The following RNF144A variants were observed in gnomAD, a reference collection of about 807,000 sequenced individuals.
RNF144A encodes ring finger protein 144A.
In RNF144A, 11 loss-of-function variants were observed where a neutral mutation model predicts 38.7. The ratio of observed to expected loss-of-function variants is 0.28; its 90% CI spans 0.18 to 0.47. The LOEUF (loss-of-function observed/expected upper bound fraction) is 0.47. Among genes scored for constraint, RNF144A ranks in the 20% least tolerant of loss-of-function variants. The pLI is 0.99. For synonymous variants in RNF144A, 149 were observed against 143.9 expected (o/e 1.04, Z -0.25); for missense variants, 316 against 377.2 (o/e 0.84, Z 1.34).
intron 2 of RNF144A, among the ~76,000 whole-genome samples, chr2:6,976,574 T>A (rs2103355017): frequency 6.7e-6 from 1 of 149,128 alleles, no homozygotes; most frequent in Non-Finnish European, 1.5e-5. Context: ...TATATGAATT[T>A]CATATATATA....
intron 2 of RNF144A, among the ~76,000 whole-genome samples, chr2:6,977,098 T>C (rs13021790): frequency 6.6e-6 from 1 of 152,264 alleles, no homozygotes; most frequent in Non-Finnish European, 1.5e-5. Context: ...TCAAAAGTGT[T>C]AGTTCATTGT....
intron 7 of RNF144A, among the ~76,000 whole-genome samples, chr2:7,027,599 G>A (rs1671993934): frequency 6.6e-6 from 1 of 152,248 alleles, no homozygotes; most frequent in Admixed American, 6.5e-5. Context: ...ACATTTTAAA[G>A]CTGAAGGTGC....
intron 3 of RNF144A, among the ~76,000 whole-genome samples, chr2:7,004,222 T>C (rs1670293875): frequency 6.6e-6 from 1 of 152,228 alleles, no homozygotes; most frequent in South Asian, 2.1e-4. Flanking sequence ...TTTGCTTTCA[T>C]CTCCATCCAG....
chr2:6,969,259 G>T (rs1205812220), intron 2 of RNF144A, among the ~76,000 whole-genome samples: 3 of 152,162 alleles, frequency 2.0e-5, no homozygotes, highest in African/African-American at 7.2e-5. Flanking sequence ...GACCTTATTT[G>T]GAGGGAGGGC....
Position 7,039,692 on chromosome 2 carries a change from G to A in RNF144A, c.811G>A (p.Ala271Thr), listed in dbSNP as rs1384516484. Reference protein sequence around the residue: ...LLVASPFLLLATPFVLCCKCK... With the variant: ...LLVASPFLLLTTPFVLCCKCK... ...GGTGGCCTCACCTTTCCTACTCCTGGCCACTCCCTTTGTACTTTGCTGCAA... is the reference window on the plus strand; with the variant it reads ...GGTGGCCTCACCTTTCCTACTCCTGACCACTCCCTTTGTACTTTGCTGCAA... The change falls in exon 9 of 9, where the codon GCC becomes ACC. Residue 271 changes from alanine to threonine, a missense_variant. Coordinates refer to ENST00000320892, the MANE Select transcript of RNF144A (RefSeq NM_014746.6). The A allele has an allele frequency of 3.1e-6, 5 of 1,613,872 alleles. No homozygotes were observed. The Admixed American group carries it at 8.3e-5, about 27-fold the overall frequency.
chr2:7,045,578 A>G (rs914271644), downstream of RNF144A, among the ~76,000 whole-genome samples: 13 of 152,148 alleles, frequency 8.5e-5, no homozygotes, highest in South Asian at 1.0e-3. Context: ...GGGCAAAGTC[A>G]TATTGGATTA....
At chr2:6,994,579 G>A (rs769059191) in intron 2 of RNF144A, among the ~76,000 whole-genome samples, 11 of 152,162 alleles carry the variant, frequency 7.2e-5, no homozygotes, top group South Asian at 6.2e-4. Context: ...TGGGGAGGAC[G>A]CCTTGATGTC....
At chr2:7,065,364 A>G (rs1361764341) in intron 6 of RNF144A, among the ~76,000 whole-genome samples, 1 of 152,240 alleles carries the variant, frequency 6.6e-6, no homozygotes, top group Non-Finnish European at 1.5e-5. Flanking sequence ...GACTGCTTCC[A>G]TATTGACCAT....
At chr2:6,985,175 C>G (rs937329726) in intron 2 of RNF144A, among the ~76,000 whole-genome samples, 1 of 151,874 alleles carries the variant, frequency 6.6e-6, no homozygotes, top group African/African-American at 2.4e-5. Context: ...TGGCCTAATA[C>G]TGATAAATGA....
intron 3 of RNF144A, among the ~76,000 whole-genome samples, chr2:6,999,572 G>A (rs1244222688): frequency 6.6e-6 from 1 of 152,200 alleles, no homozygotes; most frequent in Non-Finnish European, 1.5e-5. Context: ...GGGGCTAGAG[G>A]GAAAAGCATG....
In RNF144A at chr2:6,995,579, A is replaced by C. The variant is rs371635733; in HGVS notation, c.-11-1337A>C. Among the ~76,000 whole-genome samples the C allele has an allele frequency of 1.7e-3, 258 of 152,344 alleles. 3 individuals are homozygous for C. Among genetic ancestry groups the C allele is most frequent in the African/African-American group, 5.9e-3 (247 of 41,588 alleles). ...CTCAGTCTGTGGTCGAAGGGCCAGG[A>C]GTCCCAAAGCTGAAGAACTTGGAGT... On this transcript the variant is annotated intron_variant, in intron 2 of 8. Transcript: ENST00000320892.
intron 2 of RNF144A, among the ~76,000 whole-genome samples, chr2:6,963,662 C>T (rs535665725): frequency 6.6e-6 from 1 of 152,322 alleles, no homozygotes; most frequent in Admixed American, 6.5e-5. Flanking sequence ...CTTCTTATCT[C>T]TCTCACTCTC....
At chr2:6,963,211 T>C (rs909017692) in intron 2 of RNF144A, among the ~76,000 whole-genome samples, 1 of 152,140 alleles carries the variant, frequency 6.6e-6, no homozygotes, top group African/African-American at 2.4e-5. Context: ...TGAAAATGTA[T>C]GTTTGATTTT....
In RNF144A at chr2:7,042,040, C is replaced by G; in HGVS notation, c.*2280C>G. The G allele has an allele frequency of 1.0e-6, 1 of 985,374 alleles. No individual in the cohort carries two copies. Among genetic ancestry groups the G allele is most frequent in the Non-Finnish European group, 1.2e-6 (1 of 829,912 alleles). 61.0% of individuals were successfully genotyped at this position (985,374 alleles called of 1,614,324 possible). A position where few individuals can be genotyped will look rare whatever the true frequency, so the allele number is the denominator to read the frequency against. ...GATTCTGGGGCCAGCCAGGGGCAGT[C>G]AAATTGGCACCTACTGGCTCTGACT... On this transcript the variant is annotated 3_prime_UTR_variant, in exon 9 of 9. Transcript: ENST00000320892.
chr2:6,946,796 AAT>A (rs1470053712), intron 2 of RNF144A, among the ~76,000 whole-genome samples: 1 of 152,210 alleles, frequency 6.6e-6, no homozygotes, highest in Non-Finnish European at 1.5e-5. Context: ...GTGAAAAAGT[AAT>A]GAGTACAATT....
At position 6,933,673 on chromosome 2, in the gene RNF144A, G is replaced by GTTT. The variant is rs146567195; in HGVS notation, c.-211-7267_-211-7265dup. On this transcript the variant is annotated intron_variant, in intron 1 of 8. Coordinates refer to ENST00000320892, the MANE Select transcript of RNF144A (RefSeq NM_014746.6). ...TTTATTCTAAAGCAATTGCCCACAG[G>GTTT]TTTTTTTTTTAATTTTAATTCTTCT... 5.4e-3 allele frequency among the ~76,000 whole-genome samples: 804 copies of GTTT among 149,172 alleles called. 12 individuals carry two copies. Among genetic ancestry groups the GTTT allele is most frequent in the African/African-American group, 0.018 (748 of 40,796 alleles).
At chr2:6,935,165 G>A (rs1001662242) in intron 1 of RNF144A, among the ~76,000 whole-genome samples, 3 of 152,122 alleles carry the variant, frequency 2.0e-5, no homozygotes, top group Admixed American at 2.0e-4. Flanking sequence ...TCATAGACGA[G>A]TTTAGCAACT....
At chr2:7,044,801 G>A (rs949764094), downstream of RNF144A, among the ~76,000 whole-genome samples, 2 of 152,170 alleles carry the variant, frequency 1.3e-5, no homozygotes, top group Non-Finnish European at 2.9e-5. Flanking sequence ...CTTGTCCTGT[G>A]TTTAAGTTTT....
rs551764181 is a variant in RNF144A, at chr2:6,980,951, C to T, written c.-11-15965C>T. On this transcript the variant is annotated intron_variant, in intron 2 of 8. Transcript: ENST00000320892. ...ATGCGCACCCACAGGCCCAATACCACGTGGAAGGTGCCAAGGCTTAGGGCT... is the reference window on the plus strand; with the variant it reads ...ATGCGCACCCACAGGCCCAATACCATGTGGAAGGTGCCAAGGCTTAGGGCT... Among the ~76,000 whole-genome samples the T allele has an allele frequency of 1.7e-3, 260 of 152,346 alleles. 2 individuals carry two copies. The highest frequency in any genetic ancestry group is 6.0e-3 in the African/African-American group (251 of 41,592).
Sources: gnomAD v4.1 joint callset for allele counts (sites outside exome capture counted in the v4.1 genomes callset) on GRCh38, gnomAD v4.1.1 for gene constraint, MANE v1.5 for transcripts, NCBI Gene and HGNC (gene_info 2026-07-23, HGNC 2026-07-21) for gene names.